The following CCDC66 variants were observed in gnomAD, a reference collection of about 807,000 sequenced individuals.
CCDC66 encodes the protein coiled-coil domain-containing protein 66.
Under a neutral mutation model 128.3 loss-of-function variants are expected in CCDC66, and 133 were observed. The observed-to-expected ratio is 1.04, with a 90% confidence interval of 0.90 to 1.20. CCDC66 has a LOEUF of 1.20. CCDC66 is among the 50% of genes most tolerant of loss of function. The pLI is 0.00. For synonymous variants in CCDC66, 387 were observed against 357.0 expected, an observed-to-expected ratio of 1.08 and a Z score of -0.95; for missense variants, 1,126 against 1,075.5, an observed-to-expected ratio of 1.05 and a Z score of -0.66.
rs138000397 is a variant in CCDC66 at position 56,574,727 on chromosome 3, C to T, written c.936+3425C>T. ...AAAGAGTTGGGGTCTCACTTTGTTACCCAGGCTGAACAGGCACAGTCATGT... is the reference window on the plus strand; with the variant it reads ...AAAGAGTTGGGGTCTCACTTTGTTATCCAGGCTGAACAGGCACAGTCATGT... On this transcript the variant is annotated intron_variant, in intron 7 of 17. Coordinates refer to ENST00000394672, the MANE Select transcript of CCDC66 (RefSeq NM_001141947.3). Among the ~76,000 whole-genome samples, 93 of 151,828 alleles carry T rather than the reference C, an allele frequency of 6.1e-4. 1 individual carries two copies. The Middle Eastern group carries it at 0.014, about 22-fold the overall frequency.
At chr3:56,586,148 A>C (rs1577572850) in intron 7 of CCDC66, among the ~76,000 whole-genome samples, 3 of 151,990 alleles carry the variant, frequency 2.0e-5, no homozygotes. Flanking sequence ...AATATTGTGC[A>C]AAGTGTTTAG....
chr3:56,596,487 T>C (rs868270463), intron 10 of CCDC66, among the ~76,000 whole-genome samples: 1 of 150,956 alleles, frequency 6.6e-6, no homozygotes, highest in African/African-American at 2.5e-5. Flanking sequence ...TTTGCAGATA[T>C]TCAAACTACT....
At chr3:56,587,250 G>T (rs1559681226) in intron 7 of CCDC66, among the ~76,000 whole-genome samples, 2 of 151,890 alleles carry the variant, frequency 1.3e-5, no homozygotes, top group Non-Finnish European at 2.9e-5. Context: ...GGCTATAAAA[G>T]TCTCAACAAA....
At chr3:56,598,192 C>G (rs2072480369) in intron 10 of CCDC66, among the ~76,000 whole-genome samples, 1 of 151,646 alleles carries the variant, frequency 6.6e-6, no homozygotes. Flanking sequence ...TGAGACAGCT[C>G]TGTCACCTAG....
chr3:56,571,431 G>C, intron 7 of CCDC66, 129 bp downstream of exon 7: 1 of 578,662 alleles, frequency 1.7e-6, no homozygotes, highest in Non-Finnish European at 2.9e-6. Flanking sequence ...GCCCAGGCTG[G>C]AATGCAGTGG....
In CCDC66 at chr3:56,563,684, A is replaced by AAT; in HGVS notation, c.103_104insAT (p.Met35AsnfsTer13). 1 of 1,544,538 alleles carries AAT rather than the reference A, an allele frequency of 6.5e-7. No homozygotes were observed. Among genetic ancestry groups the AAT allele is most frequent in the Non-Finnish European group, 8.7e-7 (1 of 1,144,190 alleles). On this transcript the variant is annotated frameshift_variant and splice_region_variant, in exon 4 of 18. Transcript: ENST00000394672. LOFTEE classifies it high-confidence loss of function. ...GAATAAGCTTCTGGTGTTTTAACAG[A>AAT]TGGGAAATAAGGCCAAGATTGCAAA...
intron 7 of CCDC66, among the ~76,000 whole-genome samples, chr3:56,591,844 AG>A (rs919665480): frequency 6.6e-6 from 1 of 152,208 alleles, no homozygotes; most frequent in African/African-American, 2.4e-5. Flanking sequence ...GGTAAAAACA[AG>A]GGAAGAAAGT....
At chr3:56,599,162 A>G (rs919689945) in intron 10 of CCDC66, among the ~76,000 whole-genome samples, 1 of 152,026 alleles carries the variant, frequency 6.6e-6, no homozygotes, top group African/African-American at 2.4e-5. Context: ...GTGTGTCTCC[A>G]GGAATTTATC....
intron 13 of CCDC66, chr3:56,616,864 C>T (rs2075581803): frequency 8.2e-6 from 3 of 366,364 alleles, no homozygotes; most frequent in Non-Finnish European, 1.5e-5. Context: ...CATTTCCCCC[C>T]CAGTGACTGA....
In CCDC66 at chr3:56,566,962, GAAACCA is replaced by G; in HGVS notation, c.724_729del (p.Lys242_Pro243del). 1 of 1,613,554 alleles carries G rather than the reference GAAACCA, an allele frequency of 6.2e-7. No individual in the cohort carries two copies. Among genetic ancestry groups the G allele is most frequent in the South Asian group, 1.1e-5 (1 of 90,994 alleles). Reference sequence around the variant, plus strand: ...TGTTTTACCTTAGAGAGAATGAATGGAAACCAGCTGATATATTCAGTACTCTGGGGG... The same window carrying G: ...TGTTTTACCTTAGAGAGAATGAATGGGCTGATATATTCAGTACTCTGGGGG... On this transcript the variant is annotated inframe_deletion, in exon 6 of 18. Transcript: ENST00000394672.
intron 14 of CCDC66, 162 bp downstream of exon 14, chr3:56,617,767 A>G (rs574560342): frequency 6.4e-6 from 5 of 779,658 alleles, no homozygotes; most frequent in South Asian, 5.9e-5. Context: ...CTGTTTTTGG[A>G]AAGTTTTATA....
At chr3:56,601,658 G>A (rs2073189998) in intron 10 of CCDC66, among the ~76,000 whole-genome samples, 1 of 151,942 alleles carries the variant, frequency 6.6e-6, no homozygotes, top group Non-Finnish European at 1.5e-5. Flanking sequence ...TTGAGCAGTG[G>A]TTTGTAGTTC....
At chr3:56,589,077 A>G (rs1339615696) in intron 7 of CCDC66, among the ~76,000 whole-genome samples, 1 of 152,212 alleles carries the variant, frequency 6.6e-6, no homozygotes, top group Non-Finnish European at 1.5e-5. Context: ...AGTTATTTAA[A>G]TTGATAAGCC....
At chr3:56,596,083 G>T (rs534850081) in intron 10 of CCDC66, among the ~76,000 whole-genome samples, 6 of 152,188 alleles carry the variant, frequency 3.9e-5, no homozygotes, top group Admixed American at 3.3e-4. Context: ...TCAGGCTAAT[G>T]TTAATTTTTT....
intron 6 of CCDC66, among the ~76,000 whole-genome samples, chr3:56,568,471 A>G (rs79593029): frequency 0.026 from 3,982 of 152,304 alleles, 96 homozygotes; most frequent in African/African-American, 0.062. Context: ...GTAGTTCTCT[A>G]CAAATGCTTA....
At chr3:56,616,160 G>T (rs2075477392) in intron 13 of CCDC66, 107 bp downstream of exon 13, 6 of 984,122 alleles carry the variant, frequency 6.1e-6, no homozygotes, top group Admixed American at 2.6e-5. Context: ...AAAACTTGAG[G>T]TTTTCAGTAA....
chr3:56,607,356 G>A (rs1422757350), intron 10 of CCDC66, among the ~76,000 whole-genome samples: 15 of 151,930 alleles, frequency 9.9e-5, no homozygotes, highest in African/African-American at 2.2e-4. Context: ...GAGGTCTTTC[G>A]ACTCCTTTGT....
intron 3 of CCDC66, among the ~76,000 whole-genome samples, chr3:56,560,491 G>A (rs991554218): frequency 2.6e-5 from 4 of 152,200 alleles, no homozygotes; most frequent in Non-Finnish European, 5.9e-5. Flanking sequence ...AGCACTTTGG[G>A]AGGCCAAGGT....
chr3:56,617,444 C>CA lies in CCDC66; in HGVS notation c.2177dup (p.Arg727GlufsTer20). On this transcript the variant is annotated frameshift_variant, in exon 14 of 18. Coordinates refer to ENST00000394672, the MANE Select transcript of CCDC66 (RefSeq NM_001141947.3). LOFTEE classifies it high-confidence loss of function. Reference sequence around the variant, plus strand: ...AAAGTACCCTAAACAGCTTCAAAAGCAGAGAGAAGAAAAAAAAGTAAGGAG... The same window carrying CA: ...AAAGTACCCTAAACAGCTTCAAAAGCAAGAGAGAAGAAAAAAAAGTAAGGAG... 6.2e-7 allele frequency: 1 copy of CA among 1,613,678 alleles called. No individual in the cohort carries two copies.
Sources: gnomAD v4.1 joint callset for allele counts (sites outside exome capture counted in the v4.1 genomes callset) on GRCh38, gnomAD v4.1.1 for gene constraint, MANE v1.5 for transcripts, NCBI Gene and HGNC (gene_info 2026-07-23, HGNC 2026-07-21) for gene names.